The following COL12A1 variants were observed in gnomAD, a reference collection of about 807,000 sequenced individuals.
COL12A1 encodes collagen alpha-1(XII) chain.
In COL12A1, 114 loss-of-function variants were observed where a neutral mutation model predicts 349.7. The ratio of observed to expected loss-of-function variants is 0.33; its 90% confidence interval spans 0.28 to 0.38. The LOEUF is 0.38. Ranked by LOEUF, COL12A1 falls within the 10% of genes least tolerant of loss-of-function variation. The probability of loss-of-function intolerance (pLI) is 1.00; values close to 1 mark genes in which losing one functional copy is unlikely to be tolerated. For missense variants in COL12A1, 3,284 were observed against 3,756.9 expected, an observed-to-expected ratio of 0.87 and a Z score of 3.29; for synonymous variants, 1,369 against 1,329.0, an observed-to-expected ratio of 1.03 and a Z score of -0.66.
rs41269311 is a variant in COL12A1, at chr6:75,165,800, G to T, written c.2711-21C>A. On this transcript the variant is annotated intron_variant, in intron 13 of 65. Coordinates refer to ENST00000322507, the MANE Select transcript of COL12A1 (RefSeq NM_004370.6). ...ACGTTCTAGAACAGAAATTAAAAGG[G>T]AATCTTTTTTAAAAATGTCTAGTAG... 5.0e-6 allele frequency: 8 copies of T among 1,604,254 alleles called. No individual in the cohort carries two copies. In the East Asian group the frequency reaches 6.7e-5, roughly 13 times the overall value.
chr6:75,159,098 T>C (rs1582151378), intron 14 of COL12A1, among the ~76,000 whole-genome samples: 1 of 151,616 alleles, frequency 6.6e-6, no homozygotes. Flanking sequence ...AAATTAGTAA[T>C]AAAAATAAAA....
At chr6:75,108,564 T>C (rs1768678520) in intron 52 of COL12A1, among the ~76,000 whole-genome samples, 1 of 152,218 alleles carries the variant, frequency 6.6e-6, no homozygotes, top group Admixed American at 6.5e-5. Context: ...ATCCTTTTGA[T>C]ACAGGCAGCC....
rs371148798 is a variant in COL12A1, at chr6:75,183,258, C to T, written c.1683G>A (p.Ala561=). ...GKSSDAFRDP[A]IKLRNSDVEI... Reference sequence around the variant, plus strand: ...CAACATCTGAATTCCTCAGTTTTATCGCAGGATCTCTGAAAGCATCTGATG... The same window carrying T: ...CAACATCTGAATTCCTCAGTTTTATTGCAGGATCTCTGAAAGCATCTGATG... Residue 561 remains alanine (A), a synonymous_variant, in exon 10 of 66, where the codon GCG becomes GCA. Transcript: ENST00000322507. The T allele has an allele frequency of 3.0e-5, 49 of 1,614,068 alleles. No individual in the cohort carries two copies. Among genetic ancestry groups the T allele is most frequent in the Middle Eastern group, 3.3e-4 (2 of 6,084 alleles).
At chr6:75,107,599 T>C (rs983930443) in intron 52 of COL12A1, among the ~76,000 whole-genome samples, 2 of 152,114 alleles carry the variant, frequency 1.3e-5, no homozygotes, top group Admixed American at 6.6e-5. Context: ...CCCACCCTTA[T>C]AGAAAAGTAA....
chr6:75,089,005 A>C, intron 64 of COL12A1, 101 bp downstream of exon 64: 1 of 690,596 alleles, frequency 1.4e-6, no homozygotes, highest in South Asian at 2.1e-5. Context: ...CGTCTCAAAA[A>C]CAAAAAAAAG....
intron 52 of COL12A1, among the ~76,000 whole-genome samples, chr6:75,106,838 G>GA: frequency 6.7e-6 from 1 of 148,390 alleles, no homozygotes; most frequent in Non-Finnish European, 1.5e-5. Flanking sequence ...TGCAATGTTT[G>GA]AGTGAGTTTT....
intron 8 of COL12A1, 47 bp from the exon 9 acceptor site, chr6:75,184,191 C>A: frequency 6.4e-7 from 1 of 1,570,462 alleles, no homozygotes; most frequent in South Asian, 1.2e-5. Context: ...GAGATGTAAC[C>A]TTACTAATTT....
At chr6:75,110,118 T>C (rs1768760255) in intron 51 of COL12A1, among the ~76,000 whole-genome samples, 1 of 152,170 alleles carries the variant, frequency 6.6e-6, no homozygotes, top group African/African-American at 2.4e-5. Flanking sequence ...ATAAAAGTAA[T>C]ACATAACTTA....
At chr6:75,162,476 G>A (rs1768075719) in intron 14 of COL12A1, among the ~76,000 whole-genome samples, 1 of 152,100 alleles carries the variant, frequency 6.6e-6, no homozygotes, top group African/African-American at 2.4e-5. Context: ...GCTGAAACTG[G>A]ATCCTTTCCT....
chr6:75,158,891 G>A (rs1301521207), intron 14 of COL12A1, among the ~76,000 whole-genome samples: 2 of 151,960 alleles, frequency 1.3e-5, no homozygotes, highest in Admixed American at 6.6e-5. Flanking sequence ...ACTTCAAGCA[G>A]ACTAACATAT....
intron 51 of COL12A1, among the ~76,000 whole-genome samples, chr6:75,110,233 G>T (rs964979658): frequency 3.3e-5 from 5 of 151,788 alleles, no homozygotes; most frequent in African/African-American, 9.7e-5. Context: ...AAACTTTTTG[G>T]CTCATATATG....
intron 1 of COL12A1, among the ~76,000 whole-genome samples, chr6:75,204,596 A>C (rs542405951): frequency 2.1e-4 from 32 of 152,310 alleles, no homozygotes; most frequent in African/African-American, 7.0e-4. Context: ...AGACATAAAT[A>C]TCTGAAAGCG....
intron 21 of COL12A1, among the ~76,000 whole-genome samples, chr6:75,149,936 C>T (rs1767397915): frequency 6.6e-6 from 1 of 152,122 alleles, no homozygotes; most frequent in Non-Finnish European, 1.5e-5. Flanking sequence ...GAGCCAGAAG[C>T]CTACAAATTC....
chr6:75,095,573 C>T (rs1237330307), intron 59 of COL12A1, among the ~76,000 whole-genome samples: 1 of 137,998 alleles, frequency 7.2e-6, no homozygotes, highest in Non-Finnish European at 1.5e-5. Flanking sequence ...GCCGAGATTG[C>T]GCCACTGCAG....
At chr6:75,172,008 T>C (rs187150353) in intron 13 of COL12A1, among the ~76,000 whole-genome samples, 2 of 152,232 alleles carry the variant, frequency 1.3e-5, no homozygotes, top group Admixed American at 1.3e-4. Context: ...ATTAACTGTA[T>C]TTTTTTAAGC....
intron 13 of COL12A1, among the ~76,000 whole-genome samples, chr6:75,171,541 C>T (rs1027302548): frequency 2.0e-5 from 3 of 152,234 alleles, no homozygotes; most frequent in African/African-American, 7.2e-5. Context: ...TTGAGGTAAT[C>T]TATAAGATGT....
intron 60 of COL12A1, among the ~76,000 whole-genome samples, chr6:75,094,902 C>T (rs1171746747): frequency 2.0e-5 from 3 of 152,190 alleles, no homozygotes; most frequent in African/African-American, 7.2e-5. Context: ...CCAGTAACCA[C>T]AATTTTCATC....
At position 75,133,442 on chromosome 6, in the gene COL12A1, A is replaced by C; in HGVS notation, c.5665-20T>G. On this transcript the variant is annotated intron_variant, in intron 33 of 65. Coordinates refer to ENST00000322507, the MANE Select transcript of COL12A1 (RefSeq NM_004370.6). ...TGGTACCTAAAGATTTTAATAAAAC[A>C]AAAAGCATTGACTTGAAAAATTTGT... is the stretch of plus-strand genomic sequence containing the variant. 6.3e-7 allele frequency: 1 copy of C among 1,594,946 alleles called. No individual in the cohort carries two copies. Among genetic ancestry groups the C allele is most frequent in the Non-Finnish European group, 8.5e-7 (1 of 1,174,494 alleles).
rs1476176814 is a variant in COL12A1, at chr6:75,090,922, A to G, written c.8752+401T>C. 2.0e-5 allele frequency among the ~76,000 whole-genome samples: 3 copies of G among 152,166 alleles called. No individual in the cohort carries two copies. Among genetic ancestry groups the G allele is most frequent in the Admixed American group, 6.5e-5 (1 of 15,280 alleles). On this transcript the variant is annotated intron_variant, in intron 62 of 65. Coordinates refer to ENST00000322507, the MANE Select transcript of COL12A1 (RefSeq NM_004370.6). The surrounding 1 kb of genome is among the most constrained non-coding windows in gnomAD (Gnocchi z 4.1). ...CACCAGTCTGCAGGTACTGAGCTTC[A>G]TTACTTAACAGGCCTTATGGAATAA...
Sources: allele counts gnomAD v4.1 joint callset (sites outside exome capture counted in the v4.1 genomes callset), GRCh38; gene constraint gnomAD v4.1.1; non-coding constraint Gnocchi (gnomAD v3.1); transcripts MANE v1.5; gene names NCBI Gene and HGNC (gene_info 2026-07-23, HGNC 2026-07-21).